Variants in KLF8 observed in about 807,000 individuals in gnomAD.
KLF8 encodes the protein Krueppel-like factor 8.
Under a neutral mutation model 18.2 loss-of-function variants are expected in KLF8, and 10 were observed. The observed-to-expected ratio is 0.55, with a 90% CI of 0.34 to 0.93. The LOEUF is 0.93. Ranked by LOEUF, KLF8 falls within the 40% of genes least tolerant of loss-of-function variation. The probability of loss-of-function intolerance (pLI) is 0.02; values close to 1 mark genes in which losing one functional copy is unlikely to be tolerated. For missense variants in KLF8, 264 were observed against 277.9 expected (o/e 0.95, Z 0.36); for synonymous variants, 109 against 97.3 (o/e 1.12, Z -0.71).
chrX:55,978,647 G>C, the KLF8 span, among the ~76,000 whole-genome samples: 2 of 111,360 alleles, frequency 1.8e-5, no homozygotes, highest in Non-Finnish European at 3.8e-5. Flanking sequence ...ATGCCTCATT[G>C]TTTTACATTT....
chrX:55,989,620 GA>G, the KLF8 span, among the ~76,000 whole-genome samples: 1 of 111,742 alleles, frequency 8.9e-6, no homozygotes, highest in Non-Finnish European at 1.9e-5. Flanking sequence ...TTTTATTGAG[GA>G]TTTTGCATCG....
the KLF8 span, among the ~76,000 whole-genome samples, chrX:56,163,436 G>A: frequency 9.0e-6 from 1 of 111,576 alleles, no homozygotes; most frequent in Non-Finnish European, 1.9e-5. Context: ...ACTTTTTAAT[G>A]GAGTTGTTTG....
the KLF8 span, among the ~76,000 whole-genome samples, chrX:56,158,014 C>T: frequency 8.1e-5 from 9 of 111,731 alleles, no homozygotes; most frequent in Non-Finnish European, 1.1e-4. Flanking sequence ...AGGGTTTTTA[C>T]GGTTTTGGGT....
chrX:56,201,195 C>T, the KLF8 span, among the ~76,000 whole-genome samples: 2 of 111,698 alleles, frequency 1.8e-5, no homozygotes, highest in Non-Finnish European at 3.8e-5. Context: ...ATAGCCAAGA[C>T]AAGAAAACAA....
chrX:55,912,037 T>C, the KLF8 span, among the ~76,000 whole-genome samples: 1 of 111,878 alleles, frequency 8.9e-6, no homozygotes, highest in African/African-American at 3.2e-5. Context: ...TAGGTAATTC[T>C]AATGTGCAGT....
At chrX:55,908,548 G>A in the KLF8 span, 1 of 297,584 alleles carries the variant, frequency 3.4e-6, no homozygotes, top group Admixed American at 6.1e-5. Context: ...GGAAAAGGAA[G>A]GTTTTAGAGT....
chrX:56,099,036 T>C, the KLF8 span, among the ~76,000 whole-genome samples: 4 of 111,880 alleles, frequency 3.6e-5, no homozygotes, highest in African/African-American at 1.3e-4. Flanking sequence ...TATGTCACTT[T>C]ATTGTGCTTC....
chrX:56,018,873 G>A, the KLF8 span, among the ~76,000 whole-genome samples: 1 of 110,739 alleles, frequency 9.0e-6, no homozygotes, highest in Non-Finnish European at 1.9e-5. Flanking sequence ...GTGTGTGTAT[G>A]TCATGATAAA....
At chrX:56,017,636 A>AT in the KLF8 span, among the ~76,000 whole-genome samples, 2 of 111,647 alleles carry the variant, frequency 1.8e-5, no homozygotes, top group Non-Finnish European at 3.8e-5. Context: ...TGGGTGTGTG[A>AT]TTTTTTGAGG....
chrX:56,057,551 C>T, the KLF8 span, among the ~76,000 whole-genome samples: 1 of 111,521 alleles, frequency 9.0e-6, no homozygotes, highest in Admixed American at 9.5e-5. Context: ...TGTTGGAGCT[C>T]TCCATTGGTC....
the KLF8 span, among the ~76,000 whole-genome samples, chrX:55,960,942 C>T: frequency 9.0e-6 from 1 of 111,293 alleles, no homozygotes; most frequent in Non-Finnish European, 1.9e-5. Context: ...TTCAAGAGAC[C>T]CATCTCATAT....
the KLF8 span, among the ~76,000 whole-genome samples, chrX:55,936,354 T>A: frequency 8.9e-6 from 1 of 112,104 alleles, no homozygotes; most frequent in East Asian, 2.8e-4. Flanking sequence ...CTCATGGAGG[T>A]TGTATTCTAG....
chrX:56,014,111 C>G, the KLF8 span, among the ~76,000 whole-genome samples: 1 of 111,216 alleles, frequency 9.0e-6, no homozygotes, highest in Non-Finnish European at 1.9e-5. Context: ...AAAGCAATTG[C>G]AAAAAAAGCA....
chrX:56,078,667 A>C, the KLF8 span, among the ~76,000 whole-genome samples: 1 of 112,091 alleles, frequency 8.9e-6, no homozygotes, highest in Non-Finnish European at 1.9e-5. Context: ...AAAATGAGTT[A>C]GGGAGGATTC....
At chrX:56,227,874 A>AACACACACACAC (rs72391707), upstream of KLF8, among the ~76,000 whole-genome samples, 54 of 85,528 alleles carry the variant, frequency 6.3e-4, no homozygotes, top group African/African-American at 2.3e-3. Flanking sequence ...CCCTAGCCCC[A>AACACACACACAC]ACACACACAC....
At chrX:56,144,236 G>C in the KLF8 span, among the ~76,000 whole-genome samples, 1 of 111,315 alleles carries the variant, frequency 9.0e-6, no homozygotes, top group East Asian at 2.8e-4. Flanking sequence ...AGAAAATATA[G>C]GGGTATATTT....
chrX:55,973,012 A>C, the KLF8 span, among the ~76,000 whole-genome samples: 1 of 112,398 alleles, frequency 8.9e-6, no homozygotes, highest in Non-Finnish European at 1.9e-5. Flanking sequence ...TGATACAAAA[A>C]CAGAAACAGA....
At chrX:56,136,363 A>G in the KLF8 span, among the ~76,000 whole-genome samples, 6 of 111,380 alleles carry the variant, frequency 5.4e-5, no homozygotes, top group East Asian at 1.4e-3. Flanking sequence ...ATACTACAAG[A>G]CTACAGTAAC....
intron 1 of KLF8, among the ~76,000 whole-genome samples, chrX:56,238,782 A>G (rs2066510663): frequency 2.7e-5 from 3 of 111,880 alleles, no homozygotes; most frequent in Non-Finnish European, 3.8e-5. Context: ...TCTGAGGACC[A>G]CTGCAAGGAT....
Sources: gnomAD v4.1 joint callset for allele counts (sites outside exome capture counted in the v4.1 genomes callset) on GRCh38, gnomAD v4.1.1 for gene constraint, MANE v1.5 for transcripts, NCBI Gene and HGNC (gene_info 2026-07-23, HGNC 2026-07-21) for gene names.